The following KMT2D variants were observed in gnomAD, a reference collection of about 807,000 sequenced individuals.
KMT2D encodes the protein histone-lysine N-methyltransferase 2D.
A neutral mutation model predicts 512.7 loss-of-function variants in KMT2D; 55 were observed. The ratio of observed to expected loss-of-function variants is 0.11; its 90% CI spans 0.09 to 0.13. The LOEUF (loss-of-function observed/expected upper bound fraction) is 0.13, where lower values mean the gene tolerates loss of function less well. Ranked by LOEUF, KMT2D falls within the 10% of genes least tolerant of loss-of-function variation. KMT2D has a pLI of 1.00. For missense variants in KMT2D, 6,061 were observed against 7,127.9 expected, an observed-to-expected ratio of 0.85 and a Z score of 5.39; for synonymous variants, 2,995 against 2,904.0, an observed-to-expected ratio of 1.03 and a Z score of -1.01.
Position 49,042,761 on chromosome 12 carries a change from A to G in KMT2D, c.5762T>C (p.Leu1921Pro). Reference protein sequence around the residue: ...TPGLEGSRTPLQRPFLQGGLP... With the variant: ...TPGLEGSRTPPQRPFLQGGLP... ...ATTACCTTGAAGAAAGGGCCTCTGC[A>G]GTGGCGTACGGCTGCCTTCTAGGCC... is the stretch of plus-strand genomic sequence containing the variant. The change falls in exon 27 of 55, where the codon CTG becomes CCG. Residue 1921 changes from leucine to proline, a missense_variant. Physicochemically the swap from Leu to Pro is moderately conservative, Grantham distance 98 (BLOSUM62 -3). Coordinates refer to ENST00000301067, the MANE Select transcript of KMT2D (RefSeq NM_003482.4). The surrounding 1 kb of genome is among the most constrained non-coding windows in gnomAD (Gnocchi z 4.4). 1.9e-6 allele frequency: 3 copies of G among 1,613,842 alleles called. No homozygotes were observed. The highest frequency in any genetic ancestry group is 2.5e-6 in the Non-Finnish European group (3 of 1,179,772).
intron 14 of KMT2D, 86 bp downstream of exon 14, chr12:49,048,573 C>A (rs78888354): frequency 3.9e-5 from 33 of 856,610 alleles, no homozygotes; most frequent in Non-Finnish European, 5.1e-5. Context: ...TGGGTATCCC[C>A]AAAGTAGGTC....
chr12:49,056,303 G>T (rs1938405383), intron 1 of KMT2D, among the ~76,000 whole-genome samples: 1 of 152,190 alleles, frequency 6.6e-6, no homozygotes, highest in Non-Finnish European at 1.5e-5. Flanking sequence ...ATACATGGGG[G>T]TGGGGAATAA....
rs1480400588 is a variant in KMT2D, at chr12:49,019,194, C to A, written c.*2586G>T. On this transcript the variant is annotated 3_prime_UTR_variant, in exon 55 of 55. Transcript: ENST00000301067. ...CCGTTGTTACGAAGGACCAACCTTG[C>A]TGTACAGGATACACACAACACAAAA... is the stretch of plus-strand genomic sequence containing the variant. 2 of 1,080,404 alleles carry A rather than the reference C, an allele frequency of 1.9e-6. No homozygotes were observed. The highest frequency in any genetic ancestry group is 2.3e-6 in the Non-Finnish European group (2 of 875,806). 66.9% of individuals were successfully genotyped at this position (1,080,404 alleles called of 1,614,324 possible). A position where few individuals can be genotyped will look rare whatever the true frequency, so the allele number is the denominator to read the frequency against.
chr12:49,031,273 G>A lies in KMT2D; in HGVS notation c.13432C>T (p.Arg4478Trp), dbSNP rs562043836. The A allele has an allele frequency of 8.1e-6, 13 of 1,613,294 alleles. No homozygotes were observed. In the South Asian group the frequency reaches 8.8e-5, roughly 11 times the overall value. Residue 4478 changes from arginine (R) to tryptophan (W), a missense_variant, in exon 40 of 55, where the codon CGG (arginine) becomes TGG (tryptophan). Transcript: ENST00000301067. The part of the protein sequence containing the change: ...RAKNVQLSTG[R>W]GSEGLRAEIN... ...TCAGCTCGCAGCCCCTCGGACCCCC[G>A]CCCAGTGCTGAGTTGCACATTCTTT...
At chr12:49,036,482 T>C (rs1943222961) in intron 35 of KMT2D, among the ~76,000 whole-genome samples, 1 of 127,894 alleles carries the variant, frequency 7.8e-6, no homozygotes, top group Non-Finnish European at 1.6e-5. Flanking sequence ...CAGCTAATTT[T>C]TTTTTTTTTT....
In KMT2D at chr12:49,051,083, G is replaced by T; in HGVS notation, c.2600C>A (p.Pro867His). ...KPPLSPRPEK[P>H]PEEPGQCPAP... is the part of the protein sequence containing the mutation. The stretch of plus-strand genomic sequence containing the variant: ...AGGGCATTGGCCTGGCTCCTCAGGG[G>T]GCTTTTCAGGCCGAGGGGACAGGGG... Residue 867 changes from proline to histidine, a missense_variant, in exon 11 of 55, where the codon CCC becomes CAC. Pro to His is a moderately conservative substitution (Grantham distance 77). Around this residue, in one of 16 missense-constraint regions of KMT2D, gnomAD observed 848 missense variants for 838.5 expected, o/e 1.01. Coordinates refer to ENST00000301067, the MANE Select transcript of KMT2D (RefSeq NM_003482.4). The T allele has an allele frequency of 6.6e-7, 1 of 1,523,262 alleles. No homozygotes were observed. The highest frequency in any genetic ancestry group is 1.4e-5 in the African/African-American group (1 of 71,698). 94.4% of individuals were successfully genotyped at this position (1,523,262 alleles called of 1,614,324 possible).
chr12:49,049,699 G>A lies in KMT2D; in HGVS notation c.3889C>T (p.Arg1297Cys), dbSNP rs746084513. 115 of 1,591,218 alleles carry A rather than the reference G, an allele frequency of 7.2e-5. No individual in the cohort carries two copies. The highest frequency in any genetic ancestry group is 9.4e-5 in the African/African-American group (7 of 74,544). The change falls in exon 12 of 55, where the codon CGT becomes TGT. Residue 1297 changes from arginine to cysteine, a missense_variant. Arg to Cys is a radical substitution (Grantham distance 180). Around this residue, in one of 16 missense-constraint regions of KMT2D, gnomAD observed 447 missense variants for 500.1 expected, o/e 0.89. Transcript: ENST00000301067. ...EKGRRRSSPA[R>C]SRIKQGRSSS... ...CCCCTCACCTGTTTGATGCGGGAAC[G>A]GGCTGGGGAGCTGCGCCGCCGCCCC...
Position 49,051,195 on chromosome 12 carries a change from C to T in KMT2D, c.2488G>A (p.Glu830Lys), listed in dbSNP as rs1286510393. Residue 830 changes from glutamate (E) to lysine (K), a missense_variant, in exon 11 of 55, where the codon GAA becomes AAA. Transcript: ENST00000301067. Reference sequence around the variant, plus strand: ...TCAGACTGGGGGGACAGGTGTGATTCCTCAGGTTGGGGGGACAAGCATGGC... The same window carrying T: ...TCAGACTGGGGGGACAGGTGTGATTTCTCAGGTTGGGGGGACAAGCATGGC... ...EEPCLSPQPEESHLSPQSEEP... is the reference protein window; with the variant it reads ...EEPCLSPQPEKSHLSPQSEEP... The T allele has an allele frequency of 6.6e-7, 1 of 1,511,266 alleles. No individual in the cohort carries two copies. Among genetic ancestry groups the T allele is most frequent in the African/African-American group, 1.4e-5 (1 of 70,970 alleles). 93.6% of individuals were successfully genotyped at this position (1,511,266 alleles called of 1,614,324 possible). A position where few individuals can be genotyped will look rare whatever the true frequency, so the allele number is the denominator to read the frequency against.
chr12:49,053,803 C>G (rs184033085), intron 6 of KMT2D, among the ~76,000 whole-genome samples, 162 bp from the exon 7 acceptor site: 10 of 152,268 alleles, frequency 6.6e-5, no homozygotes, highest in African/African-American at 2.4e-4. Flanking sequence ...GCACTGGAGA[C>G]AAAATGATAA....
rs1315646219 is a variant in KMT2D, at chr12:49,033,782, C to T, written c.10923G>A (p.Leu3641=). The change falls in exon 40 of 55, where the codon CTG becomes CTA. Residue 3641 remains leucine (L), a synonymous_variant. Transcript: ENST00000301067. ...LPGQLLPGHG[L]QPPQGPPGGQ... Reference sequence around the variant, plus strand: ...CACCCGGAGGCCCCTGTGGTGGCTGCAGCCCATGGCCAGGGAGCAGCTGAC... The same window carrying T: ...CACCCGGAGGCCCCTGTGGTGGCTGTAGCCCATGGCCAGGGAGCAGCTGAC... 8.7e-6 allele frequency: 14 copies of T among 1,605,012 alleles called. No homozygotes were observed. Among genetic ancestry groups the T allele is most frequent in the Non-Finnish European group, 1.1e-5 (13 of 1,175,840 alleles).
intron 19 of KMT2D, 43 bp from the exon 20 acceptor site, chr12:49,045,008 C>A (rs182884911): frequency 6.4e-7 from 1 of 1,566,542 alleles, no homozygotes; most frequent in Non-Finnish European, 8.8e-7. Context: ...ATGGAAGCCC[C>A]AGGGAAACCA....
In KMT2D at chr12:49,060,373, C is replaced by T. The variant is rs1240084691; in HGVS notation, c.-798G>A. ...CGCTCCAGGCCCTGCGCTCGCCTCC[C>T]TTCCCCTCTGGCCTCGGGAGCTGCC... On this transcript the variant is annotated 5_prime_UTR_variant, in exon 1 of 55. Coordinates refer to ENST00000301067, the MANE Select transcript of KMT2D (RefSeq NM_003482.4). 1.3e-5 allele frequency among the ~76,000 whole-genome samples: 2 copies of T among 152,136 alleles called. No individual in the cohort carries two copies. The highest frequency in any genetic ancestry group is 2.9e-5 in the Non-Finnish European group (2 of 68,000).
At chr12:49,045,812 T>C in intron 19 of KMT2D, 108 bp downstream of exon 19, 1 of 996,550 alleles carries the variant, frequency 1.0e-6, no homozygotes, top group African/African-American at 1.6e-5. Flanking sequence ...TCTCTGGGTC[T>C]GAGTTTCCTC....
Position 49,031,004 on chromosome 12 carries a change from C to T in KMT2D, c.13560G>A (p.Pro4520=), listed in dbSNP as rs758268996. Reference sequence around the variant, plus strand: ...TTGCCTTCTGTACCCGCTTGGGCTTCGGTGTCAAAGGCTTCCTTGCTGCTG... The same window carrying T: ...TTGCCTTCTGTACCCGCTTGGGCTTTGGTGTCAAAGGCTTCCTTGCTGCTG... ...EDAAARKPLT[P]KPKRVQKASD... is the part of the protein sequence containing the mutation. The change falls in exon 41 of 55, where the codon CCG becomes CCA. Residue 4520 remains proline, a synonymous_variant. Coordinates refer to ENST00000301067, the MANE Select transcript of KMT2D (RefSeq NM_003482.4). 1.4e-5 allele frequency: 23 copies of T among 1,613,942 alleles called. No individual in the cohort carries two copies. In the South Asian group the frequency reaches 1.5e-4, roughly 11 times the overall value.
Position 49,048,007 on chromosome 12 carries a change from C to T in KMT2D, c.4194G>A (p.Ser1398=), listed in dbSNP as rs578163394. 17 of 1,613,476 alleles carry T rather than the reference C, an allele frequency of 1.1e-5. No individual in the cohort carries two copies. Among genetic ancestry groups the T allele is most frequent in the Non-Finnish European group, 1.2e-5 (14 of 1,179,440 alleles). Reference sequence around the variant, plus strand: ...AAGGGTGATAGCACTGAGAGCACTGCGAACAGGCAAGGAGGTGGCCCTCTG... The same window carrying T: ...AAGGGTGATAGCACTGAGAGCACTGTGAACAGGCAAGGAGGTGGCCCTCTG... ...RGAEGHLLAC[S]QCSQCYHPYC... Residue 1398 remains serine, a synonymous_variant, in exon 15 of 55, where the codon TCG becomes TCA. Transcript: ENST00000301067.
In KMT2D at chr12:49,053,937, G is replaced by A. The variant is rs748889976; in HGVS notation, c.673+41C>T. The A allele has an allele frequency of 1.1e-5, 17 of 1,593,690 alleles. No individual in the cohort carries two copies. In the East Asian group the frequency reaches 1.8e-4, roughly 17 times the overall value. On this transcript the variant is annotated intron_variant, in intron 6 of 54. Coordinates refer to ENST00000301067, the MANE Select transcript of KMT2D (RefSeq NM_003482.4). ...AGTACAAAAATCCAAGGCACATTTG[G>A]TCTCTCATTTGCCCTATGACCAAAG...
At chr12:49,049,371 G>C (rs1937777443) in intron 12 of KMT2D, among the ~76,000 whole-genome samples, 153 bp from the exon 13 acceptor site, 1 of 152,174 alleles carries the variant, frequency 6.6e-6, no homozygotes, top group African/African-American at 2.4e-5. Flanking sequence ...CAAACTCCCA[G>C]ATATCAACAA....
chr12:49,031,487 C>T lies in KMT2D; in HGVS notation c.13218G>A (p.Val4406=). The change falls in exon 40 of 55, where the codon GTG becomes GTA. Residue 4406 remains valine (V), a synonymous_variant. Transcript: ENST00000301067. ...PGHLDQVNGQ[V]VPEASQLSIK... ...TGCTGAGTTGGGATGCCTCAGGCAC[C>T]ACCTGTCCATTCACCTGGTCCAGAT... The T allele has an allele frequency of 6.2e-7, 1 of 1,613,398 alleles. No homozygotes were observed. The highest frequency in any genetic ancestry group is 2.2e-5 in the East Asian group (1 of 44,858).
At position 49,028,155 on chromosome 12, in the gene KMT2D, G is replaced by C; in HGVS notation, c.14383-14C>G. ...GCCATTCAGGTTCTGCCAGGGCCAG[G>C]GAAGGGATGGAAGAAACATATCAGC... On this transcript the variant is annotated splice_polypyrimidine_tract_variant and intron_variant, in intron 46 of 54. Transcript: ENST00000301067. 1 of 1,613,754 alleles carries C rather than the reference G, an allele frequency of 6.2e-7. No individual in the cohort carries two copies. Among genetic ancestry groups the C allele is most frequent in the Non-Finnish European group, 8.5e-7 (1 of 1,179,816 alleles).
Sources: gnomAD v4.1 joint callset for allele counts (sites outside exome capture counted in the v4.1 genomes callset) on GRCh38, gnomAD v4.1.1 for gene constraint, gnomAD v4.1.1 regional missense constraint, Gnocchi (gnomAD v3.1) non-coding constraint, MANE v1.5 for transcripts, NCBI Gene and HGNC (gene_info 2026-07-23, HGNC 2026-07-21) for gene names.